The following TCF12 variants were observed in gnomAD, a reference collection of about 807,000 sequenced individuals.
TCF12 encodes the protein transcription factor 12.
Under a neutral mutation model 86.0 loss-of-function variants are expected in TCF12, and 45 were observed. The observed-to-expected ratio is 0.52, with a 90% CI of 0.41 to 0.67. The LOEUF (loss-of-function observed/expected upper bound fraction) is 0.67, where lower values mean the gene tolerates loss of function less well. TCF12 is among the 30% of genes least tolerant of loss of function. The pLI, the probability that TCF12 is intolerant of heterozygous loss-of-function variation, is 0.00. For missense variants in TCF12, 881 were observed against 859.9 expected, an observed-to-expected ratio of 1.02 and a Z score of -0.31; for synonymous variants, 330 against 299.6, an observed-to-expected ratio of 1.10 and a Z score of -1.05.
intron 5 of TCF12, among the ~76,000 whole-genome samples, chr15:57,123,347 A>G (rs1325589773): frequency 6.6e-6 from 1 of 152,160 alleles, no homozygotes; most frequent in African/African-American, 2.4e-5. Context: ...AAAATTTTTT[A>G]ATTTCCTTGT....
intron 4 of TCF12, among the ~76,000 whole-genome samples, chr15:57,082,725 A>G (rs557252494): frequency 2.0e-5 from 3 of 152,278 alleles, no homozygotes; most frequent in Admixed American, 1.3e-4. Context: ...AAATGATAAC[A>G]TATTTCTATT....
intron 8 of TCF12, among the ~76,000 whole-genome samples, chr15:57,204,803 G>C (rs2057731107): frequency 6.6e-6 from 1 of 151,948 alleles, no homozygotes. Context: ...AGAACTTTCT[G>C]GGATGGGTGG....
At chr15:57,151,153 T>G (rs570312638) in intron 5 of TCF12, among the ~76,000 whole-genome samples, 1 of 149,962 alleles carries the variant, frequency 6.7e-6, no homozygotes, top group South Asian at 2.1e-4. Flanking sequence ...TTTTTTTTTT[T>G]TTTTTTTTTT....
intron 19 of TCF12, among the ~76,000 whole-genome samples, chr15:57,274,349 T>C (rs1207331242): frequency 2.0e-5 from 3 of 152,204 alleles, no homozygotes; most frequent in Non-Finnish European, 4.4e-5. Context: ...ATTTAATGAA[T>C]AAGAATGAGG....
At chr15:57,123,613 A>G (rs1282890106) in intron 5 of TCF12, among the ~76,000 whole-genome samples, 1 of 151,414 alleles carries the variant, frequency 6.6e-6, no homozygotes, top group African/African-American at 2.4e-5. Context: ...TCCTGAGTAG[A>G]TGGGACTACA....
rs544988580 is a variant in TCF12, at chr15:57,009,412, A to C, written c.149-54338A>C. Among the ~76,000 whole-genome samples the C allele has an allele frequency of 5.3e-5, 8 of 152,256 alleles. No homozygotes were observed. The South Asian group carries it at 1.7e-3, about 32-fold the overall frequency. On this transcript the variant is annotated intron_variant, in intron 3 of 20. Transcript: ENST00000333725. ...AGGTATGAACCACTGTGTGTGGCCT[A>C]ATGGTCCTGTTTTTATATGGATGAA...
chr15:56,938,718 C>G (rs2060596096), intron 3 of TCF12, among the ~76,000 whole-genome samples: 1 of 151,364 alleles, frequency 6.6e-6, no homozygotes. Flanking sequence ...ATTAGGGCCC[C>G]CCTTCATGAC....
chr15:57,194,417 G>A (rs928765530), intron 7 of TCF12, among the ~76,000 whole-genome samples: 1 of 152,128 alleles, frequency 6.6e-6, no homozygotes, highest in East Asian at 1.9e-4. Flanking sequence ...TGCCCAGGGA[G>A]GTCCACCGAT....
intron 8 of TCF12, among the ~76,000 whole-genome samples, chr15:57,209,200 A>G (rs150030895): frequency 7.9e-5 from 12 of 152,282 alleles, no homozygotes; most frequent in African/African-American, 2.6e-4. Context: ...TACTTCTCTG[A>G]TTGTTCAAAC....
In TCF12 at chr15:57,063,148, T is replaced by C. The variant is rs1402387990; in HGVS notation, c.149-602T>C. ...GTGGAACTGCTTATTTGAAATCAAA[T>C]TGTGTATAATTTTAGAAGAGATGGA... On this transcript the variant is annotated intron_variant, in intron 3 of 20. Transcript: ENST00000333725. 3.3e-5 allele frequency among the ~76,000 whole-genome samples: 5 copies of C among 152,204 alleles called. No homozygotes were observed. The South Asian group carries it at 6.2e-4, about 19-fold the overall frequency.
chr15:57,077,064 A>G (rs1350411894), intron 4 of TCF12, among the ~76,000 whole-genome samples: 1 of 152,142 alleles, frequency 6.6e-6, no homozygotes, highest in Non-Finnish European at 1.5e-5. Context: ...TTTAAAGTAA[A>G]TCTTGGTATC....
In TCF12 at chr15:56,994,972, G is replaced by A. The variant is rs541082969; in HGVS notation, c.149-68778G>A. ...ATACGTTGGATAATTGAGAGGAAAA[G>A]TTATAACATTATCTGATGTGATTTT... On this transcript the variant is annotated intron_variant, in intron 3 of 20. Coordinates refer to ENST00000333725, the MANE Select transcript of TCF12 (RefSeq NM_207037.2). 4.6e-5 allele frequency among the ~76,000 whole-genome samples: 7 copies of A among 152,152 alleles called. No individual in the cohort carries two copies. The South Asian group carries it at 1.4e-3, about 32-fold the overall frequency.
chr15:57,205,279 G>A (rs1313752275), intron 8 of TCF12, among the ~76,000 whole-genome samples: 1 of 152,036 alleles, frequency 6.6e-6, no homozygotes, highest in Admixed American at 6.6e-5. Context: ...CTCCAGCCTG[G>A]GTGACAGACT....
chr15:57,157,432 G>A (rs2054187489), intron 5 of TCF12, among the ~76,000 whole-genome samples: 1 of 151,916 alleles, frequency 6.6e-6, no homozygotes, highest in Admixed American at 6.6e-5. Context: ...TTTAGGCAAA[G>A]CAACAGTGCA....
chr15:56,965,777 G>C (rs1231893040), intron 3 of TCF12, among the ~76,000 whole-genome samples: 1 of 152,040 alleles, frequency 6.6e-6, no homozygotes, highest in African/African-American at 2.4e-5. Flanking sequence ...TTCTCTTATT[G>C]CAAGTCGAGT....
chr15:56,945,400 G>A (rs538561221), intron 3 of TCF12, among the ~76,000 whole-genome samples: 2 of 151,900 alleles, frequency 1.3e-5, no homozygotes, highest in Non-Finnish European at 2.9e-5. Context: ...CCTTCTGCCC[G>A]AAGAATTTTC....
At chr15:57,132,732 GCATATAGT>G (rs2052227605) in intron 5 of TCF12, among the ~76,000 whole-genome samples, 1 of 152,144 alleles carries the variant, frequency 6.6e-6, no homozygotes, top group Admixed American at 6.5e-5. Flanking sequence ...TCTGTACATG[GCATATAGT>G]CAATCAGTTA....
intron 4 of TCF12, among the ~76,000 whole-genome samples, chr15:57,090,533 A>G (rs1263598023): frequency 1.3e-5 from 2 of 152,246 alleles, no homozygotes; most frequent in East Asian, 1.9e-4. Flanking sequence ...TCTATAAACA[A>G]TTGTAATGAT....
intron 3 of TCF12, among the ~76,000 whole-genome samples, chr15:56,958,033 T>C (rs2061571589): frequency 6.6e-6 from 1 of 152,234 alleles, no homozygotes; most frequent in African/African-American, 2.4e-5. Context: ...TGGCCTTGTG[T>C]GAATGCTTGG....
Sources: gnomAD v4.1 joint callset for allele counts (sites outside exome capture counted in the v4.1 genomes callset) on GRCh38, gnomAD v4.1.1 for gene constraint, MANE v1.5 for transcripts, NCBI Gene and HGNC (gene_info 2026-07-23, HGNC 2026-07-21) for gene names.